Variants in CDH12 observed in about 807,000 individuals in gnomAD.
CDH12 encodes the protein cadherin 12, also known as cadherin-12.
A neutral mutation model predicts 74.1 loss-of-function variants in CDH12; 41 were observed. That is an observed-to-expected ratio of 0.55 (90% CI 0.43 to 0.72). The LOEUF (loss-of-function observed/expected upper bound fraction) is 0.72, where lower values mean the gene tolerates loss of function less well. Among genes scored for constraint, CDH12 ranks in the 30% least tolerant of loss-of-function variants. CDH12 has a pLI of 0.00. For missense variants in CDH12, 945 were observed against 977.2 expected (o/e 0.97, Z 0.44); for synonymous variants, 399 against 355.0 (o/e 1.12, Z -1.39).
At chr5:22,199,531 T>G (rs909318577) in intron 4 of CDH12, among the ~76,000 whole-genome samples, 4 of 152,200 alleles carry the variant, frequency 2.6e-5, no homozygotes, top group Admixed American at 2.6e-4. Context: ...TCCCCGCTGC[T>G]TACCTCTGGG....
intron 1 of CDH12, among the ~76,000 whole-genome samples, chr5:22,808,141 T>C (rs916245143): frequency 6.6e-5 from 10 of 152,330 alleles, no homozygotes; most frequent in African/African-American, 2.4e-4. Context: ...AAAGACTACA[T>C]ACAATTCTTT....
At chr5:22,476,062 TG>T (rs1746156453) in intron 2 of CDH12, among the ~76,000 whole-genome samples, 1 of 152,104 alleles carries the variant, frequency 6.6e-6, no homozygotes, top group Non-Finnish European at 1.5e-5. Context: ...CCTCCCTTCA[TG>T]TAACTATTCT....
chr5:22,363,178 T>C (rs1272920419), intron 3 of CDH12, among the ~76,000 whole-genome samples: 1 of 151,954 alleles, frequency 6.6e-6, no homozygotes, highest in African/African-American at 2.4e-5. Context: ...AAAAGAAAAA[T>C]TGGTAACTAA....
In CDH12 at chr5:22,346,724, A is replaced by T. The variant is rs1449092683; in HGVS notation, c.-333+58533T>A. Among the ~76,000 whole-genome samples the T allele has an allele frequency of 4.6e-5, 7 of 152,292 alleles. No homozygotes were observed. The South Asian group carries it at 1.5e-3, about 32-fold the overall frequency. On this transcript the variant is annotated intron_variant, in intron 3 of 14. Coordinates refer to ENST00000382254, the MANE Select transcript of CDH12 (RefSeq NM_004061.5). Reference sequence around the variant, plus strand: ...ATAGTTGAAAGTTGTTCAGAGGTTGATTGCCCACTACGAGCTCTTGCTAAA... The same window carrying T: ...ATAGTTGAAAGTTGTTCAGAGGTTGTTTGCCCACTACGAGCTCTTGCTAAA...
chr5:22,558,067 A>G (rs1351078448), intron 1 of CDH12, among the ~76,000 whole-genome samples: 2 of 152,226 alleles, frequency 1.3e-5, no homozygotes, highest in East Asian at 1.9e-4. Context: ...AGAAGCCACA[A>G]GAGGCAGAGA....
At chr5:22,103,590 C>A in intron 4 of CDH12, among the ~76,000 whole-genome samples, 1 of 152,262 alleles carries the variant, frequency 6.6e-6, no homozygotes, top group Admixed American at 6.5e-5. Context: ...TGCAGCTAAT[C>A]GTTTATTGCT....
intron 4 of CDH12, among the ~76,000 whole-genome samples, chr5:22,132,625 C>T (rs1470271862): frequency 6.6e-6 from 1 of 152,024 alleles, no homozygotes; most frequent in Non-Finnish European, 1.5e-5. Flanking sequence ...ATTTCCAGGC[C>T]TTGCCAGGTC....
intron 6 of CDH12, among the ~76,000 whole-genome samples, chr5:21,897,329 C>T (rs1049411924): frequency 3.3e-5 from 5 of 152,034 alleles, no homozygotes; most frequent in South Asian, 2.1e-4. Context: ...TTCCTCCGAG[C>T]GGATGACATT....
At chr5:22,503,275 T>C (rs1212188144) in intron 2 of CDH12, among the ~76,000 whole-genome samples, 7 of 152,038 alleles carry the variant, frequency 4.6e-5, no homozygotes, top group African/African-American at 7.2e-5. Context: ...GTTAAAGAAA[T>C]AATACACTGC....
chr5:22,115,356 G>A (rs757190031), intron 4 of CDH12, among the ~76,000 whole-genome samples: 4 of 152,106 alleles, frequency 2.6e-5, no homozygotes, highest in African/African-American at 7.2e-5. Context: ...GAACATTCAC[G>A]TAGTTACAAA....
chr5:22,137,894 A>C (rs570868309), intron 4 of CDH12, among the ~76,000 whole-genome samples: 1 of 152,150 alleles, frequency 6.6e-6, no homozygotes, highest in Non-Finnish European at 1.5e-5. Context: ...CTCTGTGTAC[A>C]CTACTGCTCA....
intron 11 of CDH12, among the ~76,000 whole-genome samples, chr5:21,773,178 G>C (rs1745410864): frequency 6.6e-6 from 1 of 152,150 alleles, no homozygotes. Flanking sequence ...AACCTCATTA[G>C]TGATTCTTTC....
chr5:21,906,190 A>T (rs7379072), intron 6 of CDH12, among the ~76,000 whole-genome samples: 1 of 152,030 alleles, frequency 6.6e-6, no homozygotes, highest in East Asian at 1.9e-4. Context: ...GTTTCTTGAA[A>T]TAGGATATTT....
At chr5:22,709,982 G>T (rs1188855008) in intron 1 of CDH12, among the ~76,000 whole-genome samples, 1 of 152,200 alleles carries the variant, frequency 6.6e-6, no homozygotes, top group South Asian at 2.1e-4. Context: ...AGACCATGAA[G>T]ATATGAGTCA....
chr5:22,654,629 T>TG (rs1739931408), intron 1 of CDH12, among the ~76,000 whole-genome samples: 1 of 149,360 alleles, frequency 6.7e-6, no homozygotes, highest in African/African-American at 2.5e-5. Context: ...GTTTGCTTGT[T>TG]TTTTTTTTGT....
intron 6 of CDH12, among the ~76,000 whole-genome samples, chr5:21,927,790 C>A (rs1049591116): frequency 6.6e-6 from 1 of 151,740 alleles, no homozygotes; most frequent in African/African-American, 2.4e-5. Flanking sequence ...TGAAAACAGG[C>A]CTGGTGCGGT....
At chr5:21,943,249 A>G (rs917124761) in intron 6 of CDH12, among the ~76,000 whole-genome samples, 3 of 152,110 alleles carry the variant, frequency 2.0e-5, no homozygotes, top group Admixed American at 6.5e-5. Context: ...ATGGATTAAT[A>G]CAGAGAGTCT....
In CDH12 at chr5:22,708,152, C is replaced by T. The variant is rs563100452; in HGVS notation, c.-523+144906G>A. Among the ~76,000 whole-genome samples, 10 of 152,222 alleles carry T rather than the reference C, an allele frequency of 6.6e-5. 1 individual carries two copies. In the South Asian group the frequency reaches 1.0e-3, roughly 16 times the overall value. Reference sequence around the variant, plus strand: ...AATATATTATCAAGACTCTTTCCTTCGCTTTGTCATTTAAGTAGATTATTC... The same window carrying T: ...AATATATTATCAAGACTCTTTCCTTTGCTTTGTCATTTAAGTAGATTATTC... On this transcript the variant is annotated intron_variant, in intron 1 of 14. Coordinates refer to ENST00000382254, the MANE Select transcript of CDH12 (RefSeq NM_004061.5).
At chr5:22,192,373 A>G (rs987772613) in intron 4 of CDH12, among the ~76,000 whole-genome samples, 9 of 152,188 alleles carry the variant, frequency 5.9e-5, no homozygotes, top group African/African-American at 2.2e-4. Context: ...GCCATGACAA[A>G]CTAATAAAAT....
Sources: gnomAD v4.1 joint callset for allele counts (sites outside exome capture counted in the v4.1 genomes callset) on GRCh38, gnomAD v4.1.1 for gene constraint, MANE v1.5 for transcripts, NCBI Gene and HGNC (gene_info 2026-07-23, HGNC 2026-07-21) for gene names.